The following AFAP1 variants were observed in gnomAD, a reference collection of about 807,000 sequenced individuals.
AFAP1 encodes actin filament associated protein 1, also known as actin filament-associated protein 1.
In AFAP1, 75 loss-of-function variants were observed where a neutral mutation model predicts 93.9. The ratio of observed to expected loss-of-function variants is 0.80; its 90% CI spans 0.66 to 0.97. The LOEUF is 0.97. Ranked by LOEUF, AFAP1 falls within the 50% of genes least tolerant of loss-of-function variation. The probability of loss-of-function intolerance (pLI) is 0.00; values close to 1 mark genes in which losing one functional copy is unlikely to be tolerated. For missense variants in AFAP1, 1,201 were observed against 1,050.8 expected, an observed-to-expected ratio of 1.14 and a Z score of -1.98; for synonymous variants, 517 against 430.7, an observed-to-expected ratio of 1.20 and a Z score of -2.48.
chr4:7,830,660 G>C (rs894590290), intron 6 of AFAP1, among the ~76,000 whole-genome samples: 1 of 152,122 alleles, frequency 6.6e-6, no homozygotes, highest in Non-Finnish European at 1.5e-5. Flanking sequence ...CCAGGCTGGA[G>C]TGCAGTGGCC....
chr4:7,937,194 A>C (rs796698510), intron 1 of AFAP1, among the ~76,000 whole-genome samples: 77 of 152,364 alleles, frequency 5.1e-4, no homozygotes, highest in African/African-American at 1.8e-3. Context: ...ACTTGTCCTT[A>C]ACTCTGAGAT....
intron 17 of AFAP1, among the ~76,000 whole-genome samples, chr4:7,768,409 G>A (rs1466552175): frequency 6.6e-6 from 1 of 152,206 alleles, no homozygotes; most frequent in Non-Finnish European, 1.5e-5. Context: ...CATGCAGCTG[G>A]CGGTGCTAGG....
intron 1 of AFAP1, among the ~76,000 whole-genome samples, chr4:7,872,900 C>T (rs1051218974): frequency 2.1e-5 from 3 of 145,992 alleles, no homozygotes; most frequent in Non-Finnish European, 3.0e-5. Flanking sequence ...TGATATCCTT[C>T]ACCATATACT....
intron 1 of AFAP1, among the ~76,000 whole-genome samples, chr4:7,873,242 C>CAAAAAAAAAAAAAAAAA (rs1195209480): frequency 2.2e-4 from 14 of 64,124 alleles, no homozygotes; most frequent in African/African-American, 9.2e-4. Context: ...GACTCTGTCT[C>CAAAAAAAAAAAAAAAAA]AAAAAAAAAA....
chr4:7,880,488 C>T (rs34033399), intron 1 of AFAP1, among the ~76,000 whole-genome samples: 46,095 of 151,988 alleles, frequency 0.3, 8,832 homozygotes, highest in Non-Finnish European at 0.44. Flanking sequence ...CCATGTTGGT[C>T]AGGCTGGTCT....
intron 9 of AFAP1, among the ~76,000 whole-genome samples, chr4:7,801,956 A>C (rs1447197376): frequency 1.3e-5 from 2 of 150,246 alleles, no homozygotes; most frequent in Non-Finnish European, 3.0e-5. Context: ...ATCAATTAAA[A>C]TGCCTTTCCA....
intron 3 of AFAP1, among the ~76,000 whole-genome samples, chr4:7,857,898 T>C (rs1311427483): frequency 6.6e-6 from 1 of 152,192 alleles, no homozygotes; most frequent in African/African-American, 2.4e-5. Context: ...TCAAACCCTA[T>C]TGGTGGTCAT....
chr4:7,906,971 C>T (rs536764795), intron 1 of AFAP1, among the ~76,000 whole-genome samples: 2 of 147,740 alleles, frequency 1.4e-5, no homozygotes, highest in Admixed American at 6.8e-5. Flanking sequence ...CACTGCACTC[C>T]AGCCTGGGTG....
At chr4:7,843,698 C>G (rs1713344319) in intron 4 of AFAP1, 1 of 223,376 alleles carries the variant, frequency 4.5e-6, no homozygotes, top group Admixed American at 5.2e-5. Context: ...TTCCGCCATA[C>G]AGAACTCTTG....
At chr4:7,923,019 A>T (rs1720521334) in intron 1 of AFAP1, among the ~76,000 whole-genome samples, 1 of 152,168 alleles carries the variant, frequency 6.6e-6, no homozygotes, top group South Asian at 2.1e-4. Context: ...TGAGCAAAAA[A>T]TCACTAAGAA....
intron 1 of AFAP1, among the ~76,000 whole-genome samples, chr4:7,885,181 T>C (rs1213001699): frequency 6.6e-6 from 1 of 152,234 alleles, no homozygotes; most frequent in African/African-American, 2.4e-5. Context: ...GGATCCTGTA[T>C]AAAAATCTTA....
intron 1 of AFAP1, among the ~76,000 whole-genome samples, chr4:7,927,819 C>A (rs1204593930): frequency 6.6e-6 from 1 of 152,094 alleles, no homozygotes; most frequent in East Asian, 1.9e-4. Context: ...CACATATATT[C>A]TTGTATCATC....
intron 9 of AFAP1, among the ~76,000 whole-genome samples, chr4:7,804,935 G>A (rs938835330): frequency 3.3e-5 from 5 of 152,176 alleles, no homozygotes; most frequent in African/African-American, 1.2e-4. Context: ...CAGGCCTGCC[G>A]AAGCCAAACG....
chr4:7,849,481 C>G (rs1325243237), intron 4 of AFAP1, among the ~76,000 whole-genome samples: 3 of 152,208 alleles, frequency 2.0e-5, no homozygotes, highest in African/African-American at 7.2e-5. Context: ...GCAAAACAGA[C>G]AAAAGCCTTG....
chr4:7,912,261 A>G (rs1045410089), intron 1 of AFAP1, among the ~76,000 whole-genome samples: 8 of 152,254 alleles, frequency 5.3e-5, no homozygotes, highest in African/African-American at 1.9e-4. Flanking sequence ...TGCTATGAAC[A>G]GATACATATG....
chr4:7,879,663 G>C (rs1433512834), intron 1 of AFAP1, among the ~76,000 whole-genome samples: 2 of 149,882 alleles, frequency 1.3e-5, no homozygotes, highest in East Asian at 3.9e-4. Context: ...CTAGCAAAAG[G>C]CCTCTTTGGA....
intron 17 of AFAP1, among the ~76,000 whole-genome samples, chr4:7,768,230 C>G (rs1714899664): frequency 6.6e-6 from 1 of 152,272 alleles, no homozygotes; most frequent in South Asian, 2.1e-4. Flanking sequence ...ACAGCACTTT[C>G]CGCTGCTGCC....
At chr4:7,813,424 T>C (rs1249468791) in intron 8 of AFAP1, among the ~76,000 whole-genome samples, 1 of 152,254 alleles carries the variant, frequency 6.6e-6, no homozygotes, top group Non-Finnish European at 1.5e-5. Context: ...AAGGTTGTTC[T>C]TGTTAAGAGG....
intron 16 of AFAP1, 196 bp downstream of exon 16, chr4:7,772,624 T>A: frequency 3.5e-6 from 2 of 574,394 alleles, no homozygotes. Context: ...CAGCGAGAGG[T>A]GAGAAAGCAT....
Sources: allele counts gnomAD v4.1 joint callset (sites outside exome capture counted in the v4.1 genomes callset), GRCh38; gene constraint gnomAD v4.1.1; transcripts MANE v1.5; gene names NCBI Gene and HGNC (gene_info 2026-07-23, HGNC 2026-07-21).